MTHFD2L: variants seen among roughly 807,000 people sequenced by gnomAD.
The protein encoded by MTHFD2L is bifunctional methylenetetrahydrofolate dehydrogenase/cyclohydrolase 2, mitochondrial.
A neutral mutation model predicts 34.9 loss-of-function variants in MTHFD2L; 29 were observed. The ratio of observed to expected loss-of-function variants is 0.83; its 90% CI spans 0.62 to 1.13. The LOEUF is 1.13. Among genes scored for constraint, MTHFD2L ranks in the 50% most tolerant of loss-of-function variants. MTHFD2L has a pLI of 0.00. For synonymous variants in MTHFD2L, 167 were observed against 155.7 expected, an observed-to-expected ratio of 1.07 and a Z score of -0.54; for missense variants, 481 against 446.5, an observed-to-expected ratio of 1.08 and a Z score of -0.70.
At chr4:74,150,609 A>G (rs1006119383) in intron 1 of MTHFD2L, among the ~76,000 whole-genome samples, 1 of 152,226 alleles carries the variant, frequency 6.6e-6, no homozygotes, top group African/African-American at 2.4e-5. Flanking sequence ...GCAGCAATCA[A>G]AAGCCAATGC....
chr4:74,165,026 A>G (rs1726360907), intron 1 of MTHFD2L: 1 of 984,232 alleles, frequency 1.0e-6, no homozygotes. Context: ...ATATGCATTA[A>G]TGGCAAGGTC....
At chr4:74,225,209 C>G in intron 5 of MTHFD2L, 93 bp from the exon 6 acceptor site, 1 of 977,800 alleles carries the variant, frequency 1.0e-6, no homozygotes. Flanking sequence ...CCTTTCTATT[C>G]TTAGGAAATA....
intron 1 of MTHFD2L, among the ~76,000 whole-genome samples, chr4:74,170,774 T>C (rs1323768018): frequency 6.6e-6 from 1 of 151,802 alleles, no homozygotes. Context: ...GTAGCACATA[T>C]ACACCATGGG....
chr4:74,287,998 G>A (rs1560563868), intron 7 of MTHFD2L, among the ~76,000 whole-genome samples: 1 of 152,192 alleles, frequency 6.6e-6, no homozygotes, highest in East Asian at 1.9e-4. Context: ...AGTCAACCTT[G>A]CCAGGTAGAT....
intron 6 of MTHFD2L, chr4:74,267,266 AC>A: frequency 1.0e-6 from 1 of 979,644 alleles, no homozygotes; most frequent in South Asian, 4.7e-5. Context: ...TGCAGGAAAT[AC>A]ATTTCTTTTT....
chr4:74,171,097 G>C (rs1238531107), intron 1 of MTHFD2L, among the ~76,000 whole-genome samples: 1 of 151,804 alleles, frequency 6.6e-6, no homozygotes, highest in Admixed American at 6.6e-5. Flanking sequence ...CCTGCACATT[G>C]TGCACATGTA....
At chr4:74,283,578 A>C (rs755357483) in intron 7 of MTHFD2L, among the ~76,000 whole-genome samples, 5 of 152,148 alleles carry the variant, frequency 3.3e-5, no homozygotes, top group Admixed American at 6.6e-5. Context: ...GATAGCAATT[A>C]TATTAGTGGC....
At chr4:74,242,235 G>A (rs371903337) in intron 6 of MTHFD2L, 1 of 151,696 alleles carries the variant, frequency 6.6e-6, no homozygotes, top group Non-Finnish European at 1.5e-5. Context: ...GGTCAAAAAA[G>A]CATGTATGTG....
chr4:74,200,336 C>G (rs763635509), intron 4 of MTHFD2L, among the ~76,000 whole-genome samples: 6 of 151,408 alleles, frequency 4.0e-5, no homozygotes, highest in Non-Finnish European at 8.8e-5. Flanking sequence ...ACAAACAAAA[C>G]AAACAGAAAA....
chr4:74,160,970 C>G (rs1172694388), intron 1 of MTHFD2L: 6 of 152,196 alleles, frequency 3.9e-5, no homozygotes, highest in African/African-American at 1.4e-4. Context: ...AAATGGATAT[C>G]CCAAGCATTC....
intron 6 of MTHFD2L, among the ~76,000 whole-genome samples, chr4:74,246,630 T>C (rs1178493416): frequency 1.3e-5 from 2 of 152,232 alleles, no homozygotes; most frequent in Non-Finnish European, 2.9e-5. Flanking sequence ...TTTAAGTCTT[T>C]AATCCATCTC....
At chr4:74,176,975 T>G (rs1729168588) in intron 3 of MTHFD2L, among the ~76,000 whole-genome samples, 1 of 152,010 alleles carries the variant, frequency 6.6e-6, no homozygotes, top group African/African-American at 2.4e-5. Context: ...TTGTGCTGTT[T>G]ACATTATATC....
intron 5 of MTHFD2L, among the ~76,000 whole-genome samples, chr4:74,201,647 T>G (rs1423356200): frequency 6.6e-6 from 1 of 151,368 alleles, no homozygotes; most frequent in East Asian, 1.9e-4. Flanking sequence ...AGCTACTAGA[T>G]ACAAAAGATT....
rs577436045 is a variant in MTHFD2L at position 74,271,651 on chromosome 4, G to A, written c.806-9774G>A. Among the ~76,000 whole-genome samples, 109 of 152,162 alleles carry A rather than the reference G, an allele frequency of 7.2e-4. 1 individual carries two copies. Among genetic ancestry groups the A allele is most frequent in the African/African-American group, 2.3e-3 (95 of 41,500 alleles). ...TGGCTTAGGATTGTCTTGGCAGTGC[G>A]GGCTCTTTTTTGGTTCCATATGAAC... On this transcript the variant is annotated intron_variant, in intron 6 of 7. Coordinates refer to ENST00000325278, the MANE Select transcript of MTHFD2L (RefSeq NM_001144978.3).
chr4:74,171,130 A>G (rs1727882845), intron 1 of MTHFD2L, among the ~76,000 whole-genome samples: 1 of 152,162 alleles, frequency 6.6e-6, no homozygotes, highest in Non-Finnish European at 1.5e-5. Flanking sequence ...AAGTATAATA[A>G]TAATAAAATT....
chr4:74,251,794 T>C (rs967116869), intron 6 of MTHFD2L, among the ~76,000 whole-genome samples: 1 of 152,196 alleles, frequency 6.6e-6, no homozygotes, highest in African/African-American at 2.4e-5. Flanking sequence ...AAACAGACCA[T>C]GTAATTTTCT....
intron 3 of MTHFD2L, among the ~76,000 whole-genome samples, chr4:74,179,260 T>A (rs562234927): frequency 6.6e-6 from 1 of 152,182 alleles, no homozygotes; most frequent in African/African-American, 2.4e-5. Flanking sequence ...TAAGCACATA[T>A]ATTTCAAACA....
chr4:74,233,379 A>G lies in MTHFD2L; in HGVS notation c.805+7985A>G, dbSNP rs189813377. Reference sequence around the variant, plus strand: ...GGTTTTAAATTCAATTTTAACTTTAAAAATCACATCTAACTCTCTGGGCTT... The same window carrying G: ...GGTTTTAAATTCAATTTTAACTTTAGAAATCACATCTAACTCTCTGGGCTT... On this transcript the variant is annotated intron_variant, in intron 6 of 7. Coordinates refer to ENST00000325278, the MANE Select transcript of MTHFD2L (RefSeq NM_001144978.3). Among the ~76,000 whole-genome samples the G allele has an allele frequency of 4.6e-5, 7 of 152,294 alleles. No individual in the cohort carries two copies. The East Asian group carries it at 1.2e-3, about 25-fold the overall frequency.
intron 1 of MTHFD2L, among the ~76,000 whole-genome samples, chr4:74,150,781 G>A (rs1048646104): frequency 1.6e-4 from 24 of 151,574 alleles, no homozygotes; most frequent in Admixed American, 5.3e-4. Context: ...GTGTGTGTGT[G>A]TATATATATA....
Sources: allele counts gnomAD v4.1 joint callset (sites outside exome capture counted in the v4.1 genomes callset), GRCh38; gene constraint gnomAD v4.1.1; transcripts MANE v1.5; gene names NCBI Gene and HGNC (gene_info 2026-07-23, HGNC 2026-07-21).